The following PLXDC2 variants were observed in gnomAD, a reference collection of about 807,000 sequenced individuals.
PLXDC2 encodes plexin domain-containing protein 2.
In PLXDC2, 40 loss-of-function variants were observed where a neutral mutation model predicts 68.9. That is an observed-to-expected ratio of 0.58 (90% CI 0.45 to 0.76). The LOEUF is 0.76. PLXDC2 is among the 30% of genes least tolerant of loss of function. The pLI is 0.00. For synonymous variants in PLXDC2, 243 were observed against 234.2 expected (o/e 1.04, Z -0.34); for missense variants, 644 against 661.9 (o/e 0.97, Z 0.30).
intron 1 of PLXDC2, among the ~76,000 whole-genome samples, chr10:19,817,747 C>G (rs1354406336): frequency 2.0e-5 from 3 of 152,214 alleles, no homozygotes; most frequent in African/African-American, 7.2e-5. Context: ...GTAAATGCGG[C>G]CGGCGCAGAG....
Position 19,842,746 on chromosome 10 carries a change from C to T in PLXDC2, c.112+25555C>T, listed in dbSNP as rs76556568. On this transcript the variant is annotated intron_variant, in intron 1 of 13. Coordinates refer to ENST00000377252, the MANE Select transcript of PLXDC2 (RefSeq NM_032812.9). ...TTTAGAAGAAGGATGTAGGTCTTAA[C>T]TTGTGGATAGACTTTTCCTCGTATA... 2.4e-3 allele frequency among the ~76,000 whole-genome samples: 372 copies of T among 152,296 alleles called. 9 individuals carry two copies. The East Asian group carries it at 0.053, about 22-fold the overall frequency.
At chr10:20,157,813 A>C (rs2131807769) in intron 6 of PLXDC2, among the ~76,000 whole-genome samples, 1 of 152,348 alleles carries the variant, frequency 6.6e-6, no homozygotes, top group Non-Finnish European at 1.5e-5. Context: ...ATCTTGTTAT[A>C]TAGAGCAAAA....
intron 1 of PLXDC2, among the ~76,000 whole-genome samples, chr10:19,878,208 T>TG (rs1837669171): frequency 6.6e-6 from 1 of 152,028 alleles, no homozygotes; most frequent in Non-Finnish European, 1.5e-5. Flanking sequence ...ACTCTTGATT[T>TG]TTTTTTTTAA....
intron 1 of PLXDC2, among the ~76,000 whole-genome samples, chr10:19,843,023 T>C (rs1341071176): frequency 6.6e-6 from 1 of 152,020 alleles, no homozygotes; most frequent in East Asian, 1.9e-4. Flanking sequence ...CTTTATTACA[T>C]ATCCTCCTTC....
chr10:20,196,867 T>C (rs1393016329), intron 9 of PLXDC2, among the ~76,000 whole-genome samples: 1 of 152,188 alleles, frequency 6.6e-6, no homozygotes, highest in African/African-American at 2.4e-5. Context: ...AAATGTGGCT[T>C]TTTTTTCTGG....
intron 2 of PLXDC2, among the ~76,000 whole-genome samples, chr10:20,022,093 A>G (rs1402332398): frequency 6.6e-6 from 1 of 152,226 alleles, no homozygotes; most frequent in Non-Finnish European, 1.5e-5. Context: ...GCAGACTAGC[A>G]ATGATACCTC....
chr10:20,245,649 C>A (rs1157441473), intron 13 of PLXDC2, 144 bp downstream of exon 13: 1 of 896,248 alleles, frequency 1.1e-6, no homozygotes, highest in Non-Finnish European at 1.7e-6. Flanking sequence ...GGATGTTGTC[C>A]CCCATGCACT....
intron 1 of PLXDC2, among the ~76,000 whole-genome samples, chr10:19,996,885 G>T (rs1011049262): frequency 6.6e-6 from 1 of 152,042 alleles, no homozygotes; most frequent in Admixed American, 6.5e-5. Context: ...GATCTCATGG[G>T]ACTTATTCAC....
At chr10:20,025,930 A>G (rs961654828) in intron 2 of PLXDC2, among the ~76,000 whole-genome samples, 1 of 145,866 alleles carries the variant, frequency 6.9e-6, no homozygotes, top group Non-Finnish European at 1.5e-5. Flanking sequence ...AATTCTAAGC[A>G]ATTTGTATTC....
intron 1 of PLXDC2, among the ~76,000 whole-genome samples, chr10:19,956,084 A>G (rs1834064690): frequency 6.6e-6 from 1 of 152,208 alleles, no homozygotes; most frequent in Non-Finnish European, 1.5e-5. Context: ...CATTAAAAAA[A>G]AAATTCTCGT....
intron 1 of PLXDC2, among the ~76,000 whole-genome samples, chr10:19,915,396 G>A (rs1326235): frequency 0.21 from 31,889 of 151,998 alleles, 5,767 homozygotes; most frequent in African/African-American, 0.49. Context: ...GACTCTTACT[G>A]TCATTTAAGA....
intron 1 of PLXDC2, among the ~76,000 whole-genome samples, chr10:19,929,350 G>T (rs887179475): frequency 1.3e-5 from 2 of 152,194 alleles, no homozygotes; most frequent in African/African-American, 4.8e-5. Flanking sequence ...TTTCTATCTT[G>T]GAGAGTCAGC....
intron 1 of PLXDC2, among the ~76,000 whole-genome samples, chr10:19,876,628 G>A (rs570126517): frequency 0.022 from 3,117 of 141,014 alleles, 71 homozygotes; most frequent in Non-Finnish European, 0.036. Flanking sequence ...AAAAAAAAGA[G>A]AGAGAGAGAG....
At chr10:20,043,068 C>T (rs1835711973) in intron 2 of PLXDC2, among the ~76,000 whole-genome samples, 1 of 152,092 alleles carries the variant, frequency 6.6e-6, no homozygotes, top group Non-Finnish European at 1.5e-5. Flanking sequence ...GCCATTACTC[C>T]TAAAAAAGGA....
At chr10:19,870,319 A>G (rs1284241777) in intron 1 of PLXDC2, among the ~76,000 whole-genome samples, 1 of 152,268 alleles carries the variant, frequency 6.6e-6, no homozygotes, top group East Asian at 1.9e-4. Flanking sequence ...CTCTGAATAT[A>G]GTTAAAGGTG....
At chr10:20,068,338 A>C in intron 4 of PLXDC2, 99 bp downstream of exon 4, 1 of 1,044,200 alleles carries the variant, frequency 9.6e-7, no homozygotes, top group Non-Finnish European at 1.4e-6. Context: ...ATTTATTGAG[A>C]AAACCATTGT....
chr10:20,066,855 T>C (rs1016008487), intron 3 of PLXDC2, among the ~76,000 whole-genome samples: 1 of 152,192 alleles, frequency 6.6e-6, no homozygotes, highest in Non-Finnish European at 1.5e-5. Context: ...GGGAGAGATA[T>C]AATATAGCAA....
At chr10:19,820,325 C>T (rs1023295696) in intron 1 of PLXDC2, among the ~76,000 whole-genome samples, 1 of 152,156 alleles carries the variant, frequency 6.6e-6, no homozygotes, top group African/African-American at 2.4e-5. Context: ...CAGATACTCA[C>T]AGAGTATGTA....
chr10:20,113,733 C>T (rs1197986268), intron 4 of PLXDC2, among the ~76,000 whole-genome samples: 4 of 152,194 alleles, frequency 2.6e-5, no homozygotes, highest in Non-Finnish European at 5.9e-5. Flanking sequence ...AAAACAGACA[C>T]AGTTGATTTT....
Sources: gnomAD v4.1 joint callset for allele counts (sites outside exome capture counted in the v4.1 genomes callset) on GRCh38, gnomAD v4.1.1 for gene constraint, MANE v1.5 for transcripts, NCBI Gene and HGNC (gene_info 2026-07-23, HGNC 2026-07-21) for gene names.